Variants in NFIC observed in about 807,000 individuals in gnomAD.
NFIC encodes nuclear factor 1 C-type.
Under a neutral mutation model 54.4 loss-of-function variants are expected in NFIC, and 12 were observed. The ratio of observed to expected loss-of-function variants is 0.22; its 90% CI spans 0.14 to 0.36. NFIC has a LOEUF of 0.36. Ranked by LOEUF, NFIC falls within the 10% of genes least tolerant of loss-of-function variation. NFIC has a pLI of 1.00. For synonymous variants in NFIC, 322 were observed against 319.2 expected (o/e 1.01, Z -0.09); for missense variants, 575 against 718.2 (o/e 0.80, Z 2.28).
chr19:3,439,447 A>G (rs2082258360), intron 6 of NFIC, among the ~76,000 whole-genome samples: 1 of 144,504 alleles, frequency 6.9e-6, no homozygotes, highest in African/African-American at 2.5e-5. Flanking sequence ...GTTCGAGACC[A>G]GCCTGGCCAA....
At chr19:3,389,162 G>C (rs2081342847) in intron 2 of NFIC, among the ~76,000 whole-genome samples, 1 of 152,194 alleles carries the variant, frequency 6.6e-6, no homozygotes, top group South Asian at 2.1e-4. Context: ...ATGAATGAAT[G>C]AATGAATGAG....
rs758613995 is a variant in NFIC, at chr19:3,452,692, C to T, written c.1269+26C>T. On this transcript the variant is annotated intron_variant, in intron 8 of 10. Coordinates refer to ENST00000443272, the MANE Select transcript of NFIC (RefSeq NM_001245002.2). The surrounding 1 kb of genome is among the most constrained non-coding windows in gnomAD (Gnocchi z 5.3). Reference sequence around the variant, plus strand: ...GTGAGTTGGGCGGGGCGCATTCGGGCCTCTCCTGGCGGCTCCAGGTGACCT... The same window carrying T: ...GTGAGTTGGGCGGGGCGCATTCGGGTCTCTCCTGGCGGCTCCAGGTGACCT... 1.3e-6 allele frequency: 2 copies of T among 1,566,410 alleles called. No individual in the cohort carries two copies. Among genetic ancestry groups the T allele is most frequent in the Non-Finnish European group, 1.7e-6 (2 of 1,158,604 alleles).
intron 2 of NFIC, among the ~76,000 whole-genome samples, chr19:3,390,868 G>A (rs1376165959): frequency 1.3e-5 from 2 of 151,914 alleles, no homozygotes; most frequent in Non-Finnish European, 2.9e-5. Flanking sequence ...GGCTGGGGAG[G>A]GGGCTGGGGA....
At chr19:3,363,412 C>G (rs1181150457), upstream of NFIC, among the ~76,000 whole-genome samples, 3 of 151,118 alleles carry the variant, frequency 2.0e-5, no homozygotes, top group Non-Finnish European at 4.4e-5. Flanking sequence ...GCTGACATTA[C>G]AGGCACCCTC....
intron 10 of NFIC, among the ~76,000 whole-genome samples, chr19:3,460,528 TTG>T (rs1206739854): frequency 6.6e-6 from 1 of 152,114 alleles, no homozygotes; most frequent in Non-Finnish European, 1.5e-5. Context: ...TTTTTGGTTT[TTG>T]TTTTGAGACG....
At chr19:3,409,564 G>C (rs1305904462) in intron 2 of NFIC, among the ~76,000 whole-genome samples, 1 of 152,128 alleles carries the variant, frequency 6.6e-6, no homozygotes, top group African/African-American at 2.4e-5. Flanking sequence ...TGAGTGCCGG[G>C]TGTGCGTTGA....
chr19:3,362,645 C>T (rs1336313179), upstream of NFIC, among the ~76,000 whole-genome samples: 1 of 151,970 alleles, frequency 6.6e-6, no homozygotes, highest in Non-Finnish European at 1.5e-5. Context: ...GTGTGTCTAT[C>T]TGTACCAGCC....
intron 2 of NFIC, among the ~76,000 whole-genome samples, chr19:3,406,765 G>A (rs2081656043): frequency 6.6e-6 from 1 of 152,238 alleles, no homozygotes; most frequent in African/African-American, 2.4e-5. Flanking sequence ...GTGAGGAGGC[G>A]AAAACTCAAA....
chr19:3,416,388 A>G (rs2081854920), intron 2 of NFIC, among the ~76,000 whole-genome samples: 1 of 150,206 alleles, frequency 6.7e-6, no homozygotes, highest in Non-Finnish European at 1.5e-5. Context: ...AAATGTACCT[A>G]TATGGCCTGT....
chr19:3,425,326 A>T, intron 3 of NFIC, 149 bp downstream of exon 3: 6 of 915,376 alleles, frequency 6.6e-6, no homozygotes, highest in East Asian at 2.9e-5. Flanking sequence ...AGGGGCTACC[A>T]GGGAGCTGGG....
At chr19:3,440,339 G>C (rs58101139) in intron 6 of NFIC, among the ~76,000 whole-genome samples, 1 of 152,066 alleles carries the variant, frequency 6.6e-6, no homozygotes, top group Non-Finnish European at 1.5e-5. Flanking sequence ...TGTCTCTTGC[G>C]GGCAGAATCT....
At chr19:3,438,628 G>A (rs970282291) in intron 6 of NFIC, among the ~76,000 whole-genome samples, 2 of 151,806 alleles carry the variant, frequency 1.3e-5, no homozygotes, top group Non-Finnish European at 2.9e-5. Context: ...CAGTAGAGAC[G>A]GGGTTTCACC....
chr19:3,464,777 TGGCCTC>T lies in NFIC; in HGVS notation c.*2010_*2015del. ...CCCCCAAGAGAGGTTCGCCATCCTC[TGGCCTC>T]GAGCCCTTGGTCCCTCCGTCCGTCT... On this transcript the variant is annotated 3_prime_UTR_variant, in exon 11 of 11. Coordinates refer to ENST00000443272, the MANE Select transcript of NFIC (RefSeq NM_001245002.2). 1 of 921,792 alleles carries T rather than the reference TGGCCTC, an allele frequency of 1.1e-6. No homozygotes were observed. The highest frequency in any genetic ancestry group is 1.3e-6 in the Non-Finnish European group (1 of 772,100). 57.1% of individuals were successfully genotyped at this position (921,792 alleles called of 1,614,324 possible).
chr19:3,403,972 G>A lies in NFIC; in HGVS notation c.563-21134G>A, dbSNP rs975744297. 2.6e-5 allele frequency among the ~76,000 whole-genome samples: 4 copies of A among 152,164 alleles called. No individual in the cohort carries two copies. The South Asian group carries it at 8.3e-4, about 32-fold the overall frequency. Reference sequence around the variant, plus strand: ...ATGGGGACGCCCGTGTGTGCGCTCAGCCAGTGGCACATGTGGCTCCCGGGG... The same window carrying A: ...ATGGGGACGCCCGTGTGTGCGCTCAACCAGTGGCACATGTGGCTCCCGGGG... On this transcript the variant is annotated intron_variant, in intron 2 of 10. Transcript: ENST00000443272.
At chr19:3,448,564 C>T (rs1437596238) in intron 6 of NFIC, among the ~76,000 whole-genome samples, 1 of 152,170 alleles carries the variant, frequency 6.6e-6, no homozygotes, top group Non-Finnish European at 1.5e-5. Context: ...TTCCTTCCTC[C>T]CGCGTGGACG....
intron 2 of NFIC, among the ~76,000 whole-genome samples, chr19:3,403,414 C>T (rs2145543924): frequency 6.6e-6 from 1 of 152,336 alleles, no homozygotes; most frequent in South Asian, 2.1e-4. Context: ...CAGAACACTC[C>T]ACAATCTGAT....
At chr19:3,412,651 G>A in intron 2 of NFIC, among the ~76,000 whole-genome samples, 1 of 152,168 alleles carries the variant, frequency 6.6e-6, no homozygotes, top group East Asian at 1.9e-4. Flanking sequence ...TACCCTCTCT[G>A]GGTATCCTGG....
chr19:3,462,929 C>T lies in NFIC; in HGVS notation c.*160C>T. On this transcript the variant is annotated 3_prime_UTR_variant, in exon 11 of 11. Coordinates refer to ENST00000443272, the MANE Select transcript of NFIC (RefSeq NM_001245002.2). ...AAAAGACAAAACACATAGACGCACACACTCAGGAGGAAAAGAAAAAACAAA... is the reference window on the plus strand; with the variant it reads ...AAAAGACAAAACACATAGACGCACATACTCAGGAGGAAAAGAAAAAACAAA... 1 of 1,486,400 alleles carries T rather than the reference C, an allele frequency of 6.7e-7. No individual in the cohort carries two copies. Among genetic ancestry groups the T allele is most frequent in the Non-Finnish European group, 8.9e-7 (1 of 1,126,026 alleles). 92.1% of individuals were successfully genotyped at this position (1,486,400 alleles called of 1,614,324 possible).
chr19:3,367,276 G>A (rs973480751), intron 1 of NFIC, among the ~76,000 whole-genome samples: 12 of 152,146 alleles, frequency 7.9e-5, no homozygotes, highest in Non-Finnish European at 1.5e-4. Context: ...GGGGAAGGGT[G>A]CTCCGGCGGC....
Sources: allele counts gnomAD v4.1 joint callset (sites outside exome capture counted in the v4.1 genomes callset), GRCh38; gene constraint gnomAD v4.1.1; non-coding constraint Gnocchi (gnomAD v3.1); transcripts MANE v1.5; gene names NCBI Gene and HGNC (gene_info 2026-07-23, HGNC 2026-07-21).